The following TOMM20L variants were observed in gnomAD, a reference collection of about 807,000 sequenced individuals.
TOMM20L encodes TOMM20-like protein 1.
Under a neutral mutation model 20.4 loss-of-function variants are expected in TOMM20L, and 19 were observed. The observed-to-expected ratio is 0.93, with a 90% CI of 0.65 to 1.36. TOMM20L has a LOEUF of 1.36. Among genes scored for constraint, TOMM20L ranks in the 40% most tolerant of loss-of-function variants. TOMM20L has a pLI of 0.00. For missense variants in TOMM20L, 218 were observed against 203.7 expected, an observed-to-expected ratio of 1.07 and a Z score of -0.43; for synonymous variants, 75 against 79.6, an observed-to-expected ratio of 0.94 and a Z score of 0.30.
chr14:58,398,858 T>G (rs1054763596), intron 2 of TOMM20L: 2 of 152,046 alleles, frequency 1.3e-5, no homozygotes, highest in Non-Finnish European at 2.9e-5. Context: ...TTTTCAAATG[T>G]CCTTTCATAT....
intron 2 of TOMM20L, among the ~76,000 whole-genome samples, chr14:58,399,755 C>T (rs537823577): frequency 1.2e-4 from 18 of 151,594 alleles, no homozygotes; most frequent in African/African-American, 4.1e-4. Flanking sequence ...TGCCACTGTG[C>T]CTACTCCTGT....
At chr14:58,407,756 A>T (rs559006780) in intron 4 of TOMM20L, among the ~76,000 whole-genome samples, 1 of 152,232 alleles carries the variant, frequency 6.6e-6, no homozygotes, top group South Asian at 2.1e-4. Context: ...CACTTTGGTA[A>T]ATTTAAACAT....
chr14:58,414,736 C>CAAAAAAAAAA, the TOMM20L span, among the ~76,000 whole-genome samples: 3 of 117,538 alleles, frequency 2.6e-5, no homozygotes, highest in Non-Finnish European at 3.4e-5. Flanking sequence ...GACGCCATCT[C>CAAAAAAAAAA]AAAAAAAAAA....
intron 3 of TOMM20L, among the ~76,000 whole-genome samples, chr14:58,405,453 G>C (rs2036046220): frequency 6.6e-6 from 1 of 152,186 alleles, no homozygotes; most frequent in Non-Finnish European, 1.5e-5. Context: ...ATTAGATTTA[G>C]AGGTGATCTG....
chr14:58,405,950 T>A (rs957439470), intron 3 of TOMM20L, among the ~76,000 whole-genome samples: 6 of 152,220 alleles, frequency 3.9e-5, no homozygotes, highest in African/African-American at 1.2e-4. Context: ...GTGTCAATAT[T>A]TTTTTTAAAA....
intron 3 of TOMM20L, among the ~76,000 whole-genome samples, chr14:58,404,099 G>GTATATATATATATA (rs1491246989): frequency 4.4e-5 from 1 of 22,928 alleles, no homozygotes; most frequent in African/African-American, 1.3e-4. Flanking sequence ...ACATATATAT[G>GTATATATATATATA]TATATATATA....
chr14:58,407,476 C>T lies in TOMM20L; in HGVS notation c.405+8C>T, dbSNP rs1273781088. On this transcript the variant is annotated splice_region_variant and intron_variant, in intron 4 of 4. Transcript: ENST00000360945. Reference sequence around the variant, plus strand: ...ATTCCCCTTATTTGCCAGGTGAGCACATATTTAATTATCTTTGTGAAATGT... The same window carrying T: ...ATTCCCCTTATTTGCCAGGTGAGCATATATTTAATTATCTTTGTGAAATGT... 2 of 1,607,986 alleles carry T rather than the reference C, an allele frequency of 1.2e-6. No homozygotes were observed. Among genetic ancestry groups the T allele is most frequent in the Non-Finnish European group, 8.5e-7 (1 of 1,177,956 alleles).
downstream of TOMM20L, chr14:58,410,908 GT>G (rs1455423715): frequency 1.2e-6 from 2 of 1,613,196 alleles, no homozygotes; most frequent in Non-Finnish European, 1.7e-6. Context: ...GTCTCTGTAA[GT>G]TTATTGTAGG....
chr14:58,397,722 A>C, intron 2 of TOMM20L, among the ~76,000 whole-genome samples: 1 of 152,168 alleles, frequency 6.6e-6, no homozygotes, highest in Non-Finnish European at 1.5e-5. Context: ...AGTAGGATTG[A>C]ATTAGGGAAG....
At chr14:58,411,097 T>C (rs536699522), downstream of TOMM20L, among the ~76,000 whole-genome samples, 184 of 152,300 alleles carry the variant, frequency 1.2e-3, 1 homozygote, top group African/African-American at 3.3e-3. Context: ...ATCTACAGAA[T>C]AGTTTTATTT....
At chr14:58,402,630 A>G (rs559267572) in intron 2 of TOMM20L, 50 bp from the exon 3 acceptor site, 28 of 1,419,668 alleles carry the variant, frequency 2.0e-5, no homozygotes, top group Non-Finnish European at 2.6e-5. Context: ...ATCAGTAGCC[A>G]TATACCTTAC....
the TOMM20L span, among the ~76,000 whole-genome samples, chr14:58,413,778 C>A: frequency 6.6e-6 from 1 of 151,790 alleles, no homozygotes; most frequent in Non-Finnish European, 1.5e-5. Flanking sequence ...GAGGCTGAGG[C>A]GGGCAGATTA....
At chr14:58,396,137 G>A in intron 1 of TOMM20L, 44 bp downstream of exon 1, 1 of 1,276,902 alleles carries the variant, frequency 7.8e-7, no homozygotes. Flanking sequence ...CGGGCAGCGC[G>A]GGCGGGCTGC....
intron 3 of TOMM20L, among the ~76,000 whole-genome samples, chr14:58,404,486 T>G (rs979476284): frequency 7.9e-5 from 12 of 151,874 alleles, no homozygotes; most frequent in African/African-American, 2.7e-4. Flanking sequence ...TACCTGTTTT[T>G]GCCTTTCTGT....
chr14:58,409,111 T>C, downstream of TOMM20L: 1 of 1,614,004 alleles, frequency 6.2e-7, no homozygotes, highest in Non-Finnish European at 8.5e-7. Context: ...TGAAATCTCA[T>C]GGATATTCTT....
At chr14:58,397,236 C>T (rs7159442) in intron 2 of TOMM20L, among the ~76,000 whole-genome samples, 14,450 of 152,178 alleles carry the variant, frequency 0.095, 879 homozygotes, top group Middle Eastern at 0.17. Flanking sequence ...GGCTGTGTCC[C>T]AAGGGACAAG....
chr14:58,396,140 C>G (rs2035913328), intron 1 of TOMM20L, 47 bp downstream of exon 1: 6 of 1,276,750 alleles, frequency 4.7e-6, no homozygotes, highest in Non-Finnish European at 5.0e-6. Flanking sequence ...GCAGCGCGGG[C>G]GGGCTGCCGG....
chr14:58,414,996 G>A, the TOMM20L span, among the ~76,000 whole-genome samples: 1 of 152,144 alleles, frequency 6.6e-6, no homozygotes, highest in East Asian at 1.9e-4. Flanking sequence ...ATTAGGCCAT[G>A]TACCCTGCTG....
At chr14:58,404,506 T>A (rs1201531498) in intron 3 of TOMM20L, among the ~76,000 whole-genome samples, 1 of 151,952 alleles carries the variant, frequency 6.6e-6, no homozygotes, top group Admixed American at 6.6e-5. Context: ...TTGTTGTTTT[T>A]TTTCAAAAGG....
Sources: gnomAD v4.1 joint callset for allele counts (sites outside exome capture counted in the v4.1 genomes callset) on GRCh38, gnomAD v4.1.1 for gene constraint, MANE v1.5 for transcripts, NCBI Gene and HGNC (gene_info 2026-07-23, HGNC 2026-07-21) for gene names.